Variants in EVC2 observed in about 807,000 individuals in gnomAD.
EVC2 encodes the protein limbin.
In EVC2, 148 loss-of-function variants were observed where a neutral mutation model predicts 149.3. The observed-to-expected ratio is 0.99, with a 90% CI of 0.87 to 1.14. The LOEUF (loss-of-function observed/expected upper bound fraction) is 1.14. EVC2 is among the 50% of genes most tolerant of loss of function. The pLI, the probability that EVC2 is intolerant of heterozygous loss-of-function variation, is 0.00. For missense variants in EVC2, 1,854 were observed against 1,627.3 expected, an observed-to-expected ratio of 1.14 and a Z score of -2.40; for synonymous variants, 776 against 649.9, an observed-to-expected ratio of 1.19 and a Z score of -2.95.
In EVC2 at chr4:5,708,334, C is replaced by G. The variant is rs746557117; in HGVS notation, c.180G>C (p.Leu60=). The G allele has an allele frequency of 2.7e-6, 4 of 1,471,448 alleles. No individual in the cohort carries two copies. In the South Asian group the frequency reaches 5.3e-5, roughly 19 times the overall value. The allele number at this position is 1,471,448 out of a possible 1,614,324, so 91.1% of individuals were successfully genotyped here. A position where few individuals can be genotyped will look rare whatever the true frequency, so the allele number is the denominator to read the frequency against. ...CCCCGCTCCGCCCCGGAGGGATCCT[C>G]AGGCCGGGCCCAGACCTAGGAGCCA... ...PQVAPRSGPG[L]RIPPGRSGAG... is the part of the protein sequence containing the mutation. Residue 60 remains leucine, a synonymous_variant, in exon 1 of 22, where the codon CTG becomes CTC. Transcript: ENST00000344408.
At chr4:5,660,153 G>A (rs576229866) in intron 9 of EVC2, among the ~76,000 whole-genome samples, 1 of 152,174 alleles carries the variant, frequency 6.6e-6, no homozygotes, top group African/African-American at 2.4e-5. Flanking sequence ...TGAAAATGAA[G>A]AATGGCATCT....
chr4:5,706,321 C>CATAGATAG (rs1163864655), intron 1 of EVC2, among the ~76,000 whole-genome samples: 763 of 26,550 alleles, frequency 0.029, 337 homozygotes, highest in Middle Eastern at 0.12. Flanking sequence ...TAGATAGATA[C>CATAGATAG]ATAGATAGAT....
chr4:5,618,657 G>A lies in EVC2; in HGVS notation c.2527C>T (p.Leu843=). The change falls in exon 15 of 22, where the codon CTG becomes TTG. Residue 843 remains leucine, a synonymous_variant. Coordinates refer to ENST00000344408, the MANE Select transcript of EVC2 (RefSeq NM_147127.5). The surrounding 1 kb of genome is among the most constrained non-coding windows in gnomAD (Gnocchi z 4.4). The part of the protein sequence containing the change: ...FMKLCSSVFS[L]SEEELLRMRQ... The stretch of plus-strand genomic sequence containing the variant: ...ATCCTGAGCAGCTCCTCTTCAGACA[G>A]GGAGAAGACTGAGGAGCAGAGCTTC... 6.2e-7 allele frequency: 1 copy of A among 1,607,400 alleles called. No individual in the cohort carries two copies. The highest frequency in any genetic ancestry group is 8.5e-7 in the Non-Finnish European group (1 of 1,176,836).
At chr4:5,545,190 C>T (rs760963344) in intron 21 of EVC2, among the ~76,000 whole-genome samples, 2 of 152,220 alleles carry the variant, frequency 1.3e-5, no homozygotes, top group African/African-American at 2.4e-5. Context: ...GAGACATTCG[C>T]TCATTCATTC....
At chr4:5,652,604 G>A (rs565623686) in intron 9 of EVC2, among the ~76,000 whole-genome samples, 27 of 152,276 alleles carry the variant, frequency 1.8e-4, no homozygotes, top group South Asian at 1.7e-3. Flanking sequence ...TCCTCCAGCC[G>A]GCAAGGGCTT....
rs1038272375 is a variant in EVC2 at position 5,596,550 on chromosome 4, T to C, written c.2830-11700A>G. Among the ~76,000 whole-genome samples the C allele has an allele frequency of 8.0e-4, 122 of 151,834 alleles. 2 individuals carry two copies. Among genetic ancestry groups the C allele is most frequent in the East Asian group, 1.2e-3 (6 of 5,172 alleles). On this transcript the variant is annotated intron_variant, in intron 16 of 21. Transcript: ENST00000344408. The stretch of plus-strand genomic sequence containing the variant: ...AACAAAGACACAACATACCAGAATC[T>C]CTGGGATGCATTCAAAGCAGTGTGT...
chr4:5,570,551 T>C (rs1482332788), intron 19 of EVC2, among the ~76,000 whole-genome samples: 1 of 152,210 alleles, frequency 6.6e-6, no homozygotes, highest in Non-Finnish European at 1.5e-5. Flanking sequence ...CTGGCAGGAA[T>C]GTAAACTAGT....
chr4:5,649,685 C>G (rs1403941470), intron 9 of EVC2, among the ~76,000 whole-genome samples: 4 of 152,132 alleles, frequency 2.6e-5, no homozygotes, highest in Admixed American at 2.6e-4. Flanking sequence ...ATCACCACAG[C>G]CATTTTTTAC....
At chr4:5,529,679 A>G in the EVC2 span, among the ~76,000 whole-genome samples, 1 of 152,232 alleles carries the variant, frequency 6.6e-6, no homozygotes, top group Non-Finnish European at 1.5e-5. This position sits in a 1 kb window ranked among gnomAD's most constrained non-coding sequence, Gnocchi z 4.5. Flanking sequence ...GAATGTTCCC[A>G]TGTGGCTGAG....
Position 5,691,278 on chromosome 4 carries a change from T to C in EVC2, c.506A>G (p.Gln169Arg), listed in dbSNP as rs764780098. The change falls in exon 4 of 22, where the codon CAG (glutamine) becomes CGG (arginine). Residue 169 changes from glutamine (Q) to arginine (R), a missense_variant. Gln to Arg is a conservative substitution (Grantham distance 43, BLOSUM62 1). Coordinates refer to ENST00000344408, the MANE Select transcript of EVC2 (RefSeq NM_147127.5). ...QGTSENGVIF[Q>R]KCALVSGSSE... The stretch of plus-strand genomic sequence containing the variant: ...GTGGAAACTTACCAGTGCACATTTC[T>C]GAAAAATTACTCCATTTTCAGAAGT... 6.2e-6 allele frequency: 10 copies of C among 1,613,544 alleles called. No homozygotes were observed. The highest frequency in any genetic ancestry group is 2.7e-5 in the African/African-American group (2 of 74,934).
At position 5,679,729 on chromosome 4, in the gene EVC2, T is replaced by C. The variant is rs1369485747; in HGVS notation, c.870+1531A>G. ...GTTTGCTGCACCTATCAACCTGTCA[T>C]CTAGGTTTTAAGCCCCACATGTAAT... On this transcript the variant is annotated intron_variant, in intron 7 of 21. Coordinates refer to ENST00000344408, the MANE Select transcript of EVC2 (RefSeq NM_147127.5). This position sits in a 1 kb window ranked among gnomAD's most constrained non-coding sequence, Gnocchi z 5.1. 2.0e-5 allele frequency among the ~76,000 whole-genome samples: 3 copies of C among 152,168 alleles called. No homozygotes were observed. The highest frequency in any genetic ancestry group is 7.2e-5 in the African/African-American group (3 of 41,446).
rs968721193 is a variant in EVC2 at position 5,686,979 on chromosome 4, G to A, written c.707-1500C>T. On this transcript the variant is annotated intron_variant, in intron 5 of 21. Transcript: ENST00000344408. This position sits in a 1 kb window ranked among gnomAD's most constrained non-coding sequence, Gnocchi z 5.4. The stretch of plus-strand genomic sequence containing the variant: ...AATAAAAATAACAACAACAGTGGCC[G>A]GGCATGGTGGCTCACGCCTGTAATC... 3.3e-5 allele frequency among the ~76,000 whole-genome samples: 5 copies of A among 152,162 alleles called. No individual in the cohort carries two copies. Among genetic ancestry groups the A allele is most frequent in the African/African-American group, 9.7e-5 (4 of 41,430 alleles).
In EVC2 at chr4:5,663,120, G is replaced by C. The variant is rs184703595; in HGVS notation, c.1132C>G (p.Gln378Glu). The C allele has an allele frequency of 6.2e-7, 1 of 1,614,136 alleles. No homozygotes were observed. Among genetic ancestry groups the C allele is most frequent in the East Asian group, 2.2e-5 (1 of 44,886 alleles). ...LSSEDPGSML[Q>E]ALEELEIATL... ...TAGAATTCTTACTCTTCTAAGGCTTGAAGCATGCTCCCAGGGTCCTCGGAA... is the reference window on the plus strand; with the variant it reads ...TAGAATTCTTACTCTTCTAAGGCTTCAAGCATGCTCCCAGGGTCCTCGGAA... The change falls in exon 9 of 22, where the codon CAA becomes GAA. Residue 378 changes from glutamine (Q) to glutamate (E), a missense_variant. Gln to Glu is a conservative substitution (Grantham distance 29). Coordinates refer to ENST00000344408, the MANE Select transcript of EVC2 (RefSeq NM_147127.5).
intron 9 of EVC2, among the ~76,000 whole-genome samples, chr4:5,659,000 T>C (rs893251737): frequency 6.6e-6 from 1 of 152,174 alleles, no homozygotes; most frequent in African/African-American, 2.4e-5. Context: ...TCAAGGAGCC[T>C]GATAAAAATC....
At chr4:5,554,834 T>A (rs1315917956) in intron 21 of EVC2, among the ~76,000 whole-genome samples, 1 of 152,224 alleles carries the variant, frequency 6.6e-6, no homozygotes, top group Non-Finnish European at 1.5e-5. Context: ...ATGAGTCCTT[T>A]TTATACAAGC....
In EVC2 at chr4:5,689,458, G is replaced by A. The variant is rs148990931; in HGVS notation, c.520-115C>T. The A allele has an allele frequency of 2.7e-4, 280 of 1,043,718 alleles. 1 individual carries two copies. The highest frequency in any genetic ancestry group is 2.7e-3 in the African/African-American group (169 of 63,642). 64.7% of individuals were successfully genotyped at this position (1,043,718 alleles called of 1,614,324 possible). On this transcript the variant is annotated intron_variant, in intron 4 of 21. Transcript: ENST00000344408. The stretch of plus-strand genomic sequence containing the variant: ...CATCCAGGAAGAAGGAGGGTAGCAC[G>A]GTCTCGCAGAGGGCCTGGGAATTTA...
chr4:5,697,517 C>A, intron 2 of EVC2, 76 bp downstream of exon 2: 2 of 1,421,706 alleles, frequency 1.4e-6, no homozygotes, highest in South Asian at 1.2e-5. Context: ...AGTGAGGGAG[C>A]TGGAGGAAGG....
intron 19 of EVC2, among the ~76,000 whole-genome samples, chr4:5,572,862 T>C (rs990959087): frequency 1.3e-5 from 2 of 151,740 alleles, no homozygotes; most frequent in Admixed American, 6.6e-5. Context: ...TAGGCCGGGG[T>C]GGTCATCTGC....
In EVC2 at chr4:5,620,514, T is replaced by A. The variant is rs761416287; in HGVS notation, c.2502-1832A>T. On this transcript the variant is annotated intron_variant, in intron 14 of 21. Coordinates refer to ENST00000344408, the MANE Select transcript of EVC2 (RefSeq NM_147127.5). Reference sequence around the variant, plus strand: ...GCCAACCAGTTTTATAGTAACCCTATCTTGGTTGAAATTGGAAAGCTTCTA... The same window carrying A: ...GCCAACCAGTTTTATAGTAACCCTAACTTGGTTGAAATTGGAAAGCTTCTA... Among the ~76,000 whole-genome samples, 8 of 152,204 alleles carry A rather than the reference T, an allele frequency of 5.3e-5. 1 individual carries two copies. The highest frequency in any genetic ancestry group is 1.2e-4 in the African/African-American group (5 of 41,452).
Sources: allele counts gnomAD v4.1 joint callset (sites outside exome capture counted in the v4.1 genomes callset), GRCh38; gene constraint gnomAD v4.1.1; non-coding constraint Gnocchi (gnomAD v3.1); transcripts MANE v1.5; gene names NCBI Gene and HGNC (gene_info 2026-07-23, HGNC 2026-07-21).